The following TRHDE variants were observed in gnomAD, a reference collection of about 807,000 sequenced individuals.
TRHDE encodes thyrotropin-releasing hormone-degrading ectoenzyme.
In TRHDE, 72 loss-of-function variants were observed where a neutral mutation model predicts 125.7. The ratio of observed to expected loss-of-function variants is 0.57; its 90% CI spans 0.47 to 0.70. The LOEUF is 0.70. TRHDE is among the 30% of genes least tolerant of loss of function. The pLI is 0.00. For synonymous variants in TRHDE, 509 were observed against 509.1 expected (o/e 1.00, Z 0.00); for missense variants, 1,110 against 1,327.1 (o/e 0.84, Z 2.54).
intron 3 of TRHDE, among the ~76,000 whole-genome samples, chr12:72,407,235 T>C (rs1015455347): frequency 6.6e-5 from 10 of 152,176 alleles, no homozygotes; most frequent in African/African-American, 2.4e-4. Flanking sequence ...TTGGAAGCTG[T>C]AGAGGACTCA....
chr12:72,655,451 T>A (rs1006107170), intron 17 of TRHDE, among the ~76,000 whole-genome samples: 2 of 152,172 alleles, frequency 1.3e-5, no homozygotes, highest in Non-Finnish European at 2.9e-5. Flanking sequence ...TCTTTGTTTA[T>A]GTTCATCTTC....
intron 3 of TRHDE, among the ~76,000 whole-genome samples, chr12:72,420,034 A>C (rs1040903622): frequency 6.6e-6 from 1 of 152,188 alleles, no homozygotes; most frequent in Non-Finnish European, 1.5e-5. Flanking sequence ...TTTACAATAC[A>C]TTATTTCAAA....
chr12:72,222,399 C>T (rs926320542), intron 2 of TRHDE, among the ~76,000 whole-genome samples: 1 of 152,098 alleles, frequency 6.6e-6, no homozygotes, highest in Non-Finnish European at 1.5e-5. Context: ...GAGGGAAAGT[C>T]TCCTCATCTC....
chr12:72,096,675 T>C (rs756659859), intron 1 of TRHDE, among the ~76,000 whole-genome samples: 6 of 152,230 alleles, frequency 3.9e-5, no homozygotes, highest in African/African-American at 7.2e-5. Flanking sequence ...TTGTACTAGT[T>C]AGAGCACTTT....
intron 2 of TRHDE, among the ~76,000 whole-genome samples, chr12:72,314,295 TTCTTTCTTTTCTA>T (rs1868691628): frequency 6.6e-6 from 1 of 151,046 alleles, no homozygotes; most frequent in African/African-American, 2.4e-5. Context: ...TTTCTTTTCT[TTCTTTCTTTTCTA>T]TCTCCTCCCT....
intron 3 of TRHDE, among the ~76,000 whole-genome samples, chr12:72,394,904 G>A (rs898460874): frequency 2.0e-4 from 30 of 152,204 alleles, no homozygotes; most frequent in African/African-American, 7.0e-4. Flanking sequence ...TCACCAAATG[G>A]TGTTTTCTTA....
chr12:72,551,371 C>T (rs531342581), intron 7 of TRHDE, among the ~76,000 whole-genome samples: 7 of 152,094 alleles, frequency 4.6e-5, no homozygotes, highest in African/African-American at 1.2e-4. Flanking sequence ...CTTTTCCAAT[C>T]GGTCTCCTGT....
intron 5 of TRHDE, among the ~76,000 whole-genome samples, chr12:72,484,228 T>A (rs1189832188): frequency 2.0e-5 from 3 of 152,180 alleles, no homozygotes; most frequent in African/African-American, 7.2e-5. Context: ...GCAAAATGAA[T>A]GGATAAGTAT....
chr12:72,592,836 G>A (rs1039834630), intron 12 of TRHDE, among the ~76,000 whole-genome samples: 6 of 151,718 alleles, frequency 4.0e-5, no homozygotes, highest in Non-Finnish European at 7.4e-5. Flanking sequence ...TCAGCATCCC[G>A]AGTAGCTGGG....
intron 2 of TRHDE, among the ~76,000 whole-genome samples, chr12:72,181,619 T>G (rs965556955): frequency 2.0e-5 from 3 of 152,228 alleles, no homozygotes; most frequent in Admixed American, 6.5e-5. Flanking sequence ...AATATGTATA[T>G]GCTAATAGTA....
intron 3 of TRHDE, among the ~76,000 whole-genome samples, chr12:72,388,822 A>G (rs1208809837): frequency 6.6e-6 from 1 of 151,826 alleles, no homozygotes; most frequent in Non-Finnish European, 1.5e-5. Flanking sequence ...TGGTGAGGCT[A>G]TTAAAGAAGT....
chr12:72,340,420 A>C (rs1870030598), intron 2 of TRHDE, among the ~76,000 whole-genome samples: 2 of 152,118 alleles, frequency 1.3e-5, no homozygotes, highest in African/African-American at 4.8e-5. Flanking sequence ...TACCACATTG[A>C]GTTTGCTATG....
intron 2 of TRHDE, among the ~76,000 whole-genome samples, chr12:72,329,518 T>C (rs1464839069): frequency 1.3e-5 from 2 of 152,206 alleles, no homozygotes; most frequent in Non-Finnish European, 2.9e-5. Context: ...AAAGTGGGTG[T>C]TGTATAACAT....
intron 2 of TRHDE, among the ~76,000 whole-genome samples, chr12:72,354,792 T>C (rs2135744133): frequency 6.6e-6 from 1 of 151,144 alleles, no homozygotes; most frequent in East Asian, 2.0e-4. Context: ...TGTGTATGTG[T>C]GTATGTATGT....
At chr12:72,258,707 A>G (rs1878874581) in intron 2 of TRHDE, among the ~76,000 whole-genome samples, 1 of 152,016 alleles carries the variant, frequency 6.6e-6, no homozygotes, top group African/African-American at 2.4e-5. Context: ...AAGACGTTAC[A>G]CTCCATTGTC....
intron 3 of TRHDE, among the ~76,000 whole-genome samples, chr12:72,384,402 A>G (rs1350884532): frequency 6.6e-6 from 1 of 152,224 alleles, no homozygotes; most frequent in Non-Finnish European, 1.5e-5. Flanking sequence ...ATTTACAGAA[A>G]TGAATGAATT....
chr12:72,363,257 C>T (rs986052642), intron 2 of TRHDE, among the ~76,000 whole-genome samples: 3 of 151,818 alleles, frequency 2.0e-5, no homozygotes, highest in Admixed American at 2.0e-4. Context: ...AGGGAATCCT[C>T]CCCAACTCAT....
At chr12:72,131,244 T>C (rs1210455222) in intron 2 of TRHDE, among the ~76,000 whole-genome samples, 5 of 151,572 alleles carry the variant, frequency 3.3e-5, no homozygotes, top group Admixed American at 3.3e-4. Flanking sequence ...GCTAATTTTT[T>C]TGTAGTTTTA....
chr12:72,094,188 A>G (rs1346648581), intron 1 of TRHDE, among the ~76,000 whole-genome samples: 4 of 152,082 alleles, frequency 2.6e-5, no homozygotes, highest in African/African-American at 9.7e-5. Flanking sequence ...GACTGGTGCT[A>G]GAATGAAAGT....
Sources: gnomAD v4.1 joint callset for allele counts (sites outside exome capture counted in the v4.1 genomes callset) on GRCh38, gnomAD v4.1.1 for gene constraint, MANE v1.5 for transcripts, NCBI Gene and HGNC (gene_info 2026-07-23, HGNC 2026-07-21) for gene names.